The following CLASP1 variants were observed in gnomAD, a reference collection of about 807,000 sequenced individuals.
The protein encoded by CLASP1 is CLIP-associating protein 1.
Under a neutral mutation model 192.3 loss-of-function variants are expected in CLASP1, and 38 were observed. The ratio of observed to expected loss-of-function variants is 0.20; its 90% CI spans 0.15 to 0.26. The LOEUF (loss-of-function observed/expected upper bound fraction) is 0.26. Ranked by LOEUF, CLASP1 falls within the 10% of genes least tolerant of loss-of-function variation. CLASP1 has a pLI of 1.00. For missense variants in CLASP1, 1,433 were observed against 1,932.5 expected, an observed-to-expected ratio of 0.74 and a Z score of 4.85; for synonymous variants, 691 against 712.8, an observed-to-expected ratio of 0.97 and a Z score of 0.49.
intron 1 of CLASP1, among the ~76,000 whole-genome samples, chr2:121,646,994 C>T (rs372239565): frequency 5.0e-4 from 74 of 147,006 alleles, no homozygotes; most frequent in African/African-American, 1.8e-3. Flanking sequence ...GAGCCCAGAT[C>T]GCGCCACTGC....
intron 19 of CLASP1, among the ~76,000 whole-genome samples, chr2:121,435,838 A>G (rs967908225): frequency 2.6e-5 from 4 of 152,160 alleles, no homozygotes; most frequent in Admixed American, 1.3e-4. Flanking sequence ...TTCTTTATGC[A>G]GTTTCTCTCA....
At chr2:121,374,805 T>C (rs2069617235) in intron 34 of CLASP1, among the ~76,000 whole-genome samples, 1 of 152,250 alleles carries the variant, frequency 6.6e-6, no homozygotes, top group Non-Finnish European at 1.5e-5. Context: ...ATGGAAGCAT[T>C]TACCTAATGC....
intron 8 of CLASP1, among the ~76,000 whole-genome samples, chr2:121,482,455 A>G (rs17006536): frequency 0.13 from 19,503 of 152,192 alleles, 1,715 homozygotes; most frequent in African/African-American, 0.24. Flanking sequence ...CAGAGAAAAG[A>G]ACTTACAGCG....
Position 121,434,777 on chromosome 2 carries a change from G to GCT in CLASP1, c.1913-4602_1913-4601dup, listed in dbSNP as rs1461189871. ...GGCTGAGGCAGGTGGATTACTTGAG[G>GCT]CTAGGAGTTAGAGACCAGCCTGGGC... On this transcript the variant is annotated intron_variant, in intron 19 of 39. Coordinates refer to ENST00000263710, the Ensembl canonical transcript of CLASP1. 1.1e-4 allele frequency among the ~76,000 whole-genome samples: 16 copies of GCT among 152,128 alleles called. 1 individual carries two copies. The highest frequency in any genetic ancestry group is 3.4e-3 in the Middle Eastern group (1 of 292).
intron 1 of CLASP1, among the ~76,000 whole-genome samples, chr2:121,615,301 T>C (rs1474972847): frequency 2.0e-5 from 3 of 151,704 alleles, no homozygotes; most frequent in African/African-American, 7.3e-5. Context: ...ATCACGGAAC[T>C]GCACTCCAGC....
intron 1 of CLASP1, among the ~76,000 whole-genome samples, chr2:121,607,910 G>A (rs2064661534): frequency 6.6e-6 from 1 of 152,206 alleles, no homozygotes; most frequent in East Asian, 1.9e-4. Flanking sequence ...CATTCAATGA[G>A]GAAAACCCTC....
chr2:121,378,298 T>C (rs1233111360), intron 33 of CLASP1, among the ~76,000 whole-genome samples: 1 of 152,218 alleles, frequency 6.6e-6, no homozygotes, highest in Non-Finnish European at 1.5e-5. Flanking sequence ...TTTGGAGTTT[T>C]ATAATCAAAG....
At chr2:121,371,379 ACAC>A (rs1273582376) in intron 34 of CLASP1, among the ~76,000 whole-genome samples, 2 of 151,932 alleles carry the variant, frequency 1.3e-5, no homozygotes, top group African/African-American at 2.4e-5. Flanking sequence ...TACAGGGTGC[ACAC>A]CACCACATCT....
At chr2:121,512,483 G>A (rs566316753) in intron 7 of CLASP1, among the ~76,000 whole-genome samples, 108 of 152,268 alleles carry the variant, frequency 7.1e-4, no homozygotes, top group Non-Finnish European at 1.3e-3. Context: ...TAAAAACCAT[G>A]TTAAATGGTC....
chr2:121,599,329 A>G (rs2063516231), intron 2 of CLASP1, among the ~76,000 whole-genome samples: 1 of 149,480 alleles, frequency 6.7e-6, no homozygotes, highest in African/African-American at 2.5e-5. Context: ...GTGGCTCACA[A>G]CTGTAATCCC....
chr2:121,491,242 T>C (rs2093289825), intron 8 of CLASP1, among the ~76,000 whole-genome samples: 1 of 152,248 alleles, frequency 6.6e-6, no homozygotes, highest in Admixed American at 6.5e-5. Context: ...TGATTACTTG[T>C]TATCTACTTT....
chr2:121,399,780 A>C (rs1047297281), intron 28 of CLASP1, among the ~76,000 whole-genome samples: 3 of 152,208 alleles, frequency 2.0e-5, no homozygotes, highest in Non-Finnish European at 4.4e-5. Context: ...ACACAATCTT[A>C]ATACTCCTAC....
chr2:121,484,816 G>A (rs1047151201), intron 8 of CLASP1, among the ~76,000 whole-genome samples: 1 of 152,178 alleles, frequency 6.6e-6, no homozygotes, highest in South Asian at 2.1e-4. Context: ...GGAGGAGCAG[G>A]CTAGTTGCCA....
At chr2:121,469,670 T>C (rs1451735459) in intron 9 of CLASP1, 138 bp downstream of exon 9, 1 of 779,166 alleles carries the variant, frequency 1.3e-6, no homozygotes, top group African/African-American at 1.8e-5. Context: ...GCTAATTCAA[T>C]TAAAGAATAG....
At chr2:121,490,802 A>T (rs887583010) in intron 8 of CLASP1, among the ~76,000 whole-genome samples, 1 of 152,234 alleles carries the variant, frequency 6.6e-6, no homozygotes, top group Admixed American at 6.5e-5. Context: ...ATTCGTGACT[A>T]TGGAAACACT....
intron 37 of CLASP1, among the ~76,000 whole-genome samples, chr2:121,349,530 T>C (rs1054466273): frequency 1.3e-5 from 2 of 152,194 alleles, no homozygotes; most frequent in Non-Finnish European, 2.9e-5. Flanking sequence ...CTGGAGCATC[T>C]GCAAAGAAGC....
chr2:121,379,532 TAA>T (rs1302124290), intron 33 of CLASP1, among the ~76,000 whole-genome samples: 1 of 151,980 alleles, frequency 6.6e-6, no homozygotes, highest in Non-Finnish European at 1.5e-5. Context: ...TTTTTATATA[TAA>T]AGACTGAGTA....
chr2:121,338,317 C>G (rs371156139), exon 40 of CLASP1: 109 of 152,366 alleles, frequency 7.2e-4, no homozygotes, highest in African/African-American at 2.5e-3. Flanking sequence ...AAGCTGCGTG[C>G]CCCGAGGACC....
intron 30 of CLASP1, among the ~76,000 whole-genome samples, chr2:121,394,725 C>G (rs555701690): frequency 1.3e-5 from 2 of 152,028 alleles, no homozygotes; most frequent in Non-Finnish European, 2.9e-5. Flanking sequence ...ACTAAAAATA[C>G]AAAAATTAGC....
Sources: allele counts gnomAD v4.1 joint callset (sites outside exome capture counted in the v4.1 genomes callset), GRCh38; gene constraint gnomAD v4.1.1; transcripts MANE v1.5; gene names NCBI Gene and HGNC (gene_info 2026-07-23, HGNC 2026-07-21).